Variants in CLIC6 observed in about 807,000 individuals in gnomAD.
CLIC6 encodes the protein chloride intracellular channel protein 6.
Under a neutral mutation model 49.2 loss-of-function variants are expected in CLIC6, and 39 were observed. The observed-to-expected ratio is 0.79, with a 90% CI of 0.61 to 1.04. The LOEUF (loss-of-function observed/expected upper bound fraction) is 1.04. CLIC6 is among the 50% of genes least tolerant of loss of function. CLIC6 has a pLI of 0.00. For missense variants in CLIC6, 988 were observed against 993.1 expected (o/e 0.99, Z 0.07); for synonymous variants, 446 against 433.4 (o/e 1.03, Z -0.36).
chr21:34,710,399 A>G (rs563010589), intron 5 of CLIC6, among the ~76,000 whole-genome samples: 1 of 152,310 alleles, frequency 6.6e-6, no homozygotes, highest in South Asian at 2.1e-4. Context: ...GCCTTCCCAT[A>G]TAGTAGCTGA....
intron 1 of CLIC6, among the ~76,000 whole-genome samples, chr21:34,699,340 C>A (rs1211728018): frequency 6.6e-6 from 1 of 151,968 alleles, no homozygotes; most frequent in Non-Finnish European, 1.5e-5. Flanking sequence ...TAGCTTCGAC[C>A]TCCTGGGCTC....
chr21:34,679,628 G>T (rs1989737904), intron 1 of CLIC6, among the ~76,000 whole-genome samples: 1 of 152,236 alleles, frequency 6.6e-6, no homozygotes, highest in South Asian at 2.1e-4. Flanking sequence ...AAGCAAGTTA[G>T]TTACTTCCCA....
chr21:34,688,756 A>C (rs1482268245), intron 1 of CLIC6, among the ~76,000 whole-genome samples: 1 of 152,150 alleles, frequency 6.6e-6, no homozygotes, highest in Non-Finnish European at 1.5e-5. Context: ...ATGCAATGAG[A>C]CTGATTTTCC....
In CLIC6 at chr21:34,670,358, G is replaced by T; in HGVS notation, c.970G>T (p.Gly324Cys). Residue 324 changes from glycine to cysteine, a missense_variant, in exon 1 of 6, where the codon GGT becomes TGT. By Grantham distance (159) the Gly-to-Cys change is radical (BLOSUM62 -3). Transcript: ENST00000349499. ...AAGESAGRSPGELAWDAAEEA... is the reference protein window; with the variant it reads ...AAGESAGRSPCELAWDAAEEA... Reference sequence around the variant, plus strand: ...CGGGGAGAGTGCGGGGCGCAGCCCCGGTGAGCTCGCCTGGGACGCAGCGGA... The same window carrying T: ...CGGGGAGAGTGCGGGGCGCAGCCCCTGTGAGCTCGCCTGGGACGCAGCGGA... The T allele has an allele frequency of 6.9e-7, 1 of 1,452,228 alleles. No individual in the cohort carries two copies. Among genetic ancestry groups the T allele is most frequent in the African/African-American group, 1.5e-5 (1 of 67,946 alleles). The allele number at this position is 1,452,228 out of a possible 1,614,324, so 90.0% of individuals were successfully genotyped here.
At chr21:34,705,715 G>T (rs2056009730) in intron 1 of CLIC6, among the ~76,000 whole-genome samples, 1 of 152,176 alleles carries the variant, frequency 6.6e-6, no homozygotes, top group Admixed American at 6.5e-5. Flanking sequence ...CTGTGTTTAT[G>T]GAGCTGTATT....
Position 34,693,138 on chromosome 21 carries a change from G to A in CLIC6, c.1375-14142G>A, listed in dbSNP as rs9976568. Among the ~76,000 whole-genome samples, 1,421 of 152,288 alleles carry A rather than the reference G, an allele frequency of 9.3e-3. 12 individuals are homozygous for A. Among genetic ancestry groups the A allele is most frequent in the South Asian group, 0.03 (146 of 4,816 alleles). On this transcript the variant is annotated intron_variant, in intron 1 of 5. Coordinates refer to ENST00000349499, the MANE Select transcript of CLIC6 (RefSeq NM_053277.3). ...CTGTTCAGGTCCTAATTCTGTTTGA[G>A]GTGCCTAGACAAAAAGACATTGCCT...
chr21:34,687,179 A>C (rs957006153), intron 1 of CLIC6, among the ~76,000 whole-genome samples: 5 of 152,110 alleles, frequency 3.3e-5, no homozygotes, highest in Non-Finnish European at 7.4e-5. Flanking sequence ...AGCAATTCTA[A>C]AGGGGAGGGG....
At chr21:34,713,359 G>A (rs1012332475) in intron 5 of CLIC6, among the ~76,000 whole-genome samples, 9 of 152,104 alleles carry the variant, frequency 5.9e-5, no homozygotes, top group African/African-American at 1.2e-4. Context: ...TATCACAAAG[G>A]GGATGGAAAT....
Position 34,699,370 on chromosome 21 carries a change from G to C in CLIC6, c.1375-7910G>C, listed in dbSNP as rs139598666. 2.0e-3 allele frequency among the ~76,000 whole-genome samples: 294 copies of C among 150,628 alleles called. 1 individual carries two copies. The highest frequency in any genetic ancestry group is 7.1e-3 in the African/African-American group (291 of 41,062). On this transcript the variant is annotated intron_variant, in intron 1 of 5. Transcript: ENST00000349499. ...GGGCTCAAGCAATTCTCCCACCTCA[G>C]CCTCACAAGGATCTGGGACTACAGG... is the stretch of plus-strand genomic sequence containing the variant.
At chr21:34,672,692 T>C (rs1989587953) in intron 1 of CLIC6, among the ~76,000 whole-genome samples, 1 of 152,190 alleles carries the variant, frequency 6.6e-6, no homozygotes, top group South Asian at 2.1e-4. Flanking sequence ...TGCTGGATAG[T>C]GTGGTGATCA....
intron 1 of CLIC6, among the ~76,000 whole-genome samples, chr21:34,686,823 A>C (rs1455363990): frequency 2.0e-5 from 3 of 152,086 alleles, no homozygotes; most frequent in Non-Finnish European, 4.4e-5. Flanking sequence ...ACATGTGTGA[A>C]GCTGTCTTGG....
rs376496224 is a variant in CLIC6, at chr21:34,708,951, G to T, written c.1717+145G>T. 233 of 634,106 alleles carry T rather than the reference G, an allele frequency of 3.7e-4. No individual in the cohort carries two copies. The South Asian group carries it at 3.8e-3, about 10-fold the overall frequency. The allele number at this position is 634,106 out of a possible 1,614,324, so 39.3% of individuals were successfully genotyped here. ...CTACAGAAAAAGTGCCTCCAACTTT[G>T]AATCTGCACGTGGGCTTCAAGAGAT... On this transcript the variant is annotated intron_variant, in intron 4 of 5. Coordinates refer to ENST00000349499, the MANE Select transcript of CLIC6 (RefSeq NM_053277.3).
chr21:34,678,296 C>T (rs965602917), intron 1 of CLIC6, among the ~76,000 whole-genome samples: 1 of 150,364 alleles, frequency 6.7e-6, no homozygotes, highest in Admixed American at 6.6e-5. Context: ...AAAAAAGTCA[C>T]CCGGGCGTGG....
intron 5 of CLIC6, among the ~76,000 whole-genome samples, chr21:34,710,740 G>A (rs1028763632): frequency 4.6e-5 from 7 of 152,104 alleles, no homozygotes; most frequent in African/African-American, 1.7e-4. Flanking sequence ...TTGAACCCGG[G>A]AGGCAGACAT....
intron 1 of CLIC6, among the ~76,000 whole-genome samples, chr21:34,701,386 A>T (rs1236979152): frequency 4.0e-5 from 6 of 150,466 alleles, no homozygotes; most frequent in African/African-American, 1.5e-4. Context: ...TCACTAATTG[A>T]GGCTCGTTAA....
chr21:34,681,453 A>G (rs1393928172), intron 1 of CLIC6, among the ~76,000 whole-genome samples: 1 of 152,244 alleles, frequency 6.6e-6, no homozygotes, highest in Non-Finnish European at 1.5e-5. Flanking sequence ...GATGTCAGTC[A>G]GAGCTGTGAT....
rs758779650 is a variant in CLIC6, at chr21:34,685,140, G to C, written c.1374+14378G>C. On this transcript the variant is annotated intron_variant, in intron 1 of 5. Coordinates refer to ENST00000349499, the MANE Select transcript of CLIC6 (RefSeq NM_053277.3). ...TGGTGGGGTGGCAGGGTGGGGGGTG[G>C]TGTGTAGGATGCTGCAGTCCAGTAG... Among the ~76,000 whole-genome samples, 4 of 152,266 alleles carry C rather than the reference G, an allele frequency of 2.6e-5. No individual in the cohort carries two copies. The East Asian group carries it at 5.8e-4, about 22-fold the overall frequency.
At chr21:34,710,847 C>A (rs1057342932) in intron 5 of CLIC6, among the ~76,000 whole-genome samples, 9 of 151,892 alleles carry the variant, frequency 5.9e-5, no homozygotes, top group Admixed American at 3.9e-4. Context: ...ACAAAAACCC[C>A]AAAAAAACAA....
rs541432893 is a variant in CLIC6, at chr21:34,670,490, G to A, written c.1102G>A (p.Gly368Arg). 12 of 1,494,446 alleles carry A rather than the reference G, an allele frequency of 8.0e-6. No individual in the cohort carries two copies. Among genetic ancestry groups the A allele is most frequent in the East Asian group, 2.5e-5 (1 of 39,968 alleles). The allele number at this position is 1,494,446 out of a possible 1,614,324, so 92.6% of individuals were successfully genotyped here. A position where few individuals can be genotyped will look rare whatever the true frequency, so the allele number is the denominator to read the frequency against. The change falls in exon 1 of 6, where the codon GGG becomes AGG. Residue 368 changes from glycine (G) to arginine (R), a missense_variant. Gly to Arg is a moderately radical substitution (Grantham distance 125). Coordinates refer to ENST00000349499, the MANE Select transcript of CLIC6 (RefSeq NM_053277.3). ...RVGDGPQQEP[G>R]EDEERRERSP... is the part of the protein sequence containing the mutation. ...AGGGGATGGGCCACAGCAGGAGCCG[G>A]GGGAGGACGAAGAGAGACGAGAGCG...
Sources: allele counts gnomAD v4.1 joint callset (sites outside exome capture counted in the v4.1 genomes callset), GRCh38; gene constraint gnomAD v4.1.1; transcripts MANE v1.5; gene names NCBI Gene and HGNC (gene_info 2026-07-23, HGNC 2026-07-21).